FAF1: variants seen among roughly 807,000 people sequenced by gnomAD.
The protein encoded by FAF1 is FAS-associated factor 1.
FAF1 carries 25 observed loss-of-function variants against 92.5 expected under a neutral mutation model. The observed-to-expected ratio is 0.27, with a 90% CI of 0.20 to 0.38. FAF1 has a LOEUF of 0.38. FAF1 is among the 10% of genes least tolerant of loss of function. The pLI, the probability that FAF1 is intolerant of heterozygous loss-of-function variation, is 1.00. For synonymous variants in FAF1, 234 were observed against 273.2 expected (o/e 0.86, Z 1.42); for missense variants, 636 against 793.3 (o/e 0.80, Z 2.38).
At chr1:50,614,130 A>T (rs1158390179) in intron 8 of FAF1, among the ~76,000 whole-genome samples, 4 of 151,996 alleles carry the variant, frequency 2.6e-5, no homozygotes, top group Non-Finnish European at 5.9e-5. Context: ...CAAAAAAACC[A>T]AGAGACAAAA....
chr1:50,766,791 C>CAAAAA (rs765570305), intron 4 of FAF1, among the ~76,000 whole-genome samples: 26 of 61,818 alleles, frequency 4.2e-4, no homozygotes, highest in Non-Finnish European at 5.1e-4. Flanking sequence ...AGCAAGCAAG[C>CAAAAA]AAAAAAAAAA....
At chr1:50,845,591 C>G (rs1485923331) in intron 2 of FAF1, among the ~76,000 whole-genome samples, 4 of 152,198 alleles carry the variant, frequency 2.6e-5, no homozygotes, top group South Asian at 4.2e-4. Flanking sequence ...TTTGCTCCCC[C>G]ACCTGCACAG....
rs570815645 is a variant in FAF1, at chr1:50,731,906, A to G, written c.551+6957T>C. On this transcript the variant is annotated intron_variant, in intron 6 of 18. Transcript: ENST00000396153. ...TTATTATTACTTTACTTATAATTTT[A>G]TTGCATAATGACCAGACAATGCAGT... Among the ~76,000 whole-genome samples the G allele has an allele frequency of 3.5e-4, 53 of 152,186 alleles. 1 individual carries two copies. The South Asian group carries it at 9.8e-3, about 28-fold the overall frequency.
At chr1:50,743,452 C>T (rs562200744) in intron 5 of FAF1, among the ~76,000 whole-genome samples, 4 of 152,142 alleles carry the variant, frequency 2.6e-5, no homozygotes, top group Middle Eastern at 3.4e-3. Context: ...CTCAGCCTCC[C>T]GAGTAGCTTG....
rs564926713 is a variant in FAF1, at chr1:50,683,141, T to C, written c.657+22645A>G. Among the ~76,000 whole-genome samples the C allele has an allele frequency of 5.9e-5, 9 of 152,284 alleles. No individual in the cohort carries two copies. The South Asian group carries it at 1.9e-3, about 32-fold the overall frequency. On this transcript the variant is annotated intron_variant, in intron 7 of 18. Coordinates refer to ENST00000396153, the MANE Select transcript of FAF1 (RefSeq NM_007051.3). Reference sequence around the variant, plus strand: ...AGATGACAATAGATGTTACATAGGATGGTTAGAAAAACAGTATTTTAAAAA... The same window carrying C: ...AGATGACAATAGATGTTACATAGGACGGTTAGAAAAACAGTATTTTAAAAA...
At chr1:50,958,704 T>TA (rs1645290983) in intron 1 of FAF1, among the ~76,000 whole-genome samples, 2 of 151,360 alleles carry the variant, frequency 1.3e-5, no homozygotes, top group South Asian at 4.2e-4. Flanking sequence ...TAATTAATTT[T>TA]AAAAAAAATA....
chr1:50,711,365 G>A (rs1657920091), intron 6 of FAF1, among the ~76,000 whole-genome samples: 1 of 150,082 alleles, frequency 6.7e-6, no homozygotes, highest in South Asian at 2.1e-4. Flanking sequence ...TACTTTTCAT[G>A]TTTTAGTTCT....
chr1:50,662,683 CTTTTTTTTTTT>C (rs58193277), intron 7 of FAF1, among the ~76,000 whole-genome samples: 16 of 77,604 alleles, frequency 2.1e-4, no homozygotes, highest in South Asian at 1.5e-3. Context: ...GAATTTGTAT[CTTTTTTTTTTT>C]TTTTTTTTTT....
intron 8 of FAF1, among the ~76,000 whole-genome samples, chr1:50,616,605 T>C (rs1652923660): frequency 6.6e-6 from 1 of 152,146 alleles, no homozygotes; most frequent in African/African-American, 2.4e-5. Context: ...CTAATGTAAA[T>C]GGGATTGTGT....
chr1:50,802,974 T>C (rs1246271732), intron 2 of FAF1, among the ~76,000 whole-genome samples: 2 of 152,166 alleles, frequency 1.3e-5, no homozygotes, highest in South Asian at 2.1e-4. Context: ...GTGTTTGCTA[T>C]GAATTTTGAG....
intron 4 of FAF1, among the ~76,000 whole-genome samples, chr1:50,763,657 T>C (rs1029012728): frequency 6.6e-6 from 1 of 152,214 alleles, no homozygotes; most frequent in African/African-American, 2.4e-5. Flanking sequence ...TTTTTATTGC[T>C]ATGTCTTCAT....
intron 7 of FAF1, among the ~76,000 whole-genome samples, chr1:50,675,209 G>A (rs1656067329): frequency 6.6e-6 from 1 of 152,064 alleles, no homozygotes; most frequent in African/African-American, 2.4e-5. Flanking sequence ...ACATTTTCAA[G>A]TAAATCTGGT....
intron 2 of FAF1, among the ~76,000 whole-genome samples, chr1:50,805,487 G>C (rs1490472905): frequency 6.6e-6 from 1 of 152,114 alleles, no homozygotes; most frequent in Non-Finnish European, 1.5e-5. Flanking sequence ...TTAACAAAAG[G>C]GGAAAATCAT....
At chr1:50,793,507 A>G (rs1167116280) in intron 3 of FAF1, among the ~76,000 whole-genome samples, 1 of 152,176 alleles carries the variant, frequency 6.6e-6, no homozygotes, top group Non-Finnish European at 1.5e-5. Context: ...TAGGCCCTGG[A>G]GGTATAATAG....
At chr1:50,463,123 T>G (rs890412773) in intron 18 of FAF1, among the ~76,000 whole-genome samples, 1 of 152,190 alleles carries the variant, frequency 6.6e-6, no homozygotes, top group Admixed American at 6.5e-5. Context: ...GTCTGGCATT[T>G]TGGTATATGT....
At chr1:50,640,320 T>C (rs1457759449) in intron 8 of FAF1, among the ~76,000 whole-genome samples, 1 of 149,848 alleles carries the variant, frequency 6.7e-6, no homozygotes, top group Admixed American at 6.7e-5. Flanking sequence ...TGAGACAGAG[T>C]CTCGCTCTGT....
intron 8 of FAF1, among the ~76,000 whole-genome samples, chr1:50,649,388 T>A (rs1014807526): frequency 3.3e-5 from 5 of 151,942 alleles, no homozygotes; most frequent in African/African-American, 4.8e-5. Context: ...TGACCTCAGG[T>A]GATCCACCCA....
At chr1:50,790,097 T>C (rs1435667108) in intron 3 of FAF1, among the ~76,000 whole-genome samples, 1 of 152,196 alleles carries the variant, frequency 6.6e-6, no homozygotes, top group Non-Finnish European at 1.5e-5. Context: ...TTGACATCTA[T>C]GTCTCCACTG....
chr1:50,760,132 G>A (rs1660263147), intron 4 of FAF1, among the ~76,000 whole-genome samples: 1 of 152,078 alleles, frequency 6.6e-6, no homozygotes, highest in Admixed American at 6.5e-5. Flanking sequence ...AACAAGAAGA[G>A]CTAACTATCC....
Sources: allele counts gnomAD v4.1 joint callset (sites outside exome capture counted in the v4.1 genomes callset), GRCh38; gene constraint gnomAD v4.1.1; transcripts MANE v1.5; gene names NCBI Gene and HGNC (gene_info 2026-07-23, HGNC 2026-07-21).